Variants in CPQ observed in about 807,000 individuals in gnomAD.
CPQ encodes carboxypeptidase Q.
In CPQ, 37 loss-of-function variants were observed where a neutral mutation model predicts 45.7. The ratio of observed to expected loss-of-function variants is 0.81; its 90% CI spans 0.62 to 1.07. CPQ has a LOEUF of 1.07. Among genes scored for constraint, CPQ ranks in the 50% least tolerant of loss-of-function variants. The pLI, the probability that CPQ is intolerant of heterozygous loss-of-function variation, is 0.00. For synonymous variants in CPQ, 186 were observed against 205.8 expected (o/e 0.90, Z 0.82); for missense variants, 537 against 572.9 (o/e 0.94, Z 0.64).
chr8:96,738,247 A>G (rs1810019238), intron 1 of CPQ, among the ~76,000 whole-genome samples: 1 of 152,052 alleles, frequency 6.6e-6, no homozygotes, highest in Non-Finnish European at 1.5e-5. Context: ...TGCTGTTCAA[A>G]TTTTTATATC....
At chr8:96,800,385 G>A (rs1810990549) in intron 2 of CPQ, among the ~76,000 whole-genome samples, 1 of 152,152 alleles carries the variant, frequency 6.6e-6, no homozygotes, top group African/African-American at 2.4e-5. Flanking sequence ...ACTGATTGGT[G>A]GGTGTGAAGC....
intron 7 of CPQ, among the ~76,000 whole-genome samples, chr8:97,099,114 TC>T (rs1811257094): frequency 1.8e-5 from 2 of 110,944 alleles, no homozygotes; most frequent in Non-Finnish European, 3.6e-5. Context: ...CCCTTCTCTC[TC>T]TTTTTTTTTT....
At chr8:97,042,150 C>T (rs1343142536) in intron 6 of CPQ, among the ~76,000 whole-genome samples, 1 of 152,234 alleles carries the variant, frequency 6.6e-6, no homozygotes, top group Admixed American at 6.5e-5. Flanking sequence ...TTGATTACTG[C>T]CACAATTTCA....
At chr8:96,852,694 T>G (rs1811787416) in intron 3 of CPQ, among the ~76,000 whole-genome samples, 1 of 152,154 alleles carries the variant, frequency 6.6e-6, no homozygotes, top group East Asian at 1.9e-4. Flanking sequence ...TGGGGGAAAC[T>G]AAATTTGTTC....
At chr8:96,846,352 G>T (rs1811689684) in intron 3 of CPQ, among the ~76,000 whole-genome samples, 1 of 152,080 alleles carries the variant, frequency 6.6e-6, no homozygotes, top group Non-Finnish European at 1.5e-5. Context: ...TGAGTGGTAG[G>T]AGTTCTTTAT....
intron 6 of CPQ, among the ~76,000 whole-genome samples, chr8:97,039,646 A>T (rs1226729470): frequency 1.5e-5 from 2 of 132,014 alleles, no homozygotes; most frequent in Non-Finnish European, 3.2e-5. Flanking sequence ...CCCCCACCCC[A>T]CAACAGTCCC....
At chr8:96,985,849 A>G (rs1357427267) in intron 5 of CPQ, among the ~76,000 whole-genome samples, 1 of 152,254 alleles carries the variant, frequency 6.6e-6, no homozygotes, top group East Asian at 1.9e-4. Flanking sequence ...TTACTGTATC[A>G]AATTGGTATT....
intron 5 of CPQ, among the ~76,000 whole-genome samples, chr8:97,018,783 A>G (rs541733574): frequency 1.3e-5 from 2 of 152,316 alleles, no homozygotes; most frequent in South Asian, 4.1e-4. Flanking sequence ...GGAAGAAGAG[A>G]AATCTAAAAG....
chr8:96,976,247 C>CAAAAAAAAAAAAAAAA (rs55864086), intron 5 of CPQ, among the ~76,000 whole-genome samples: 3 of 60,832 alleles, frequency 4.9e-5, no homozygotes, highest in African/African-American at 1.2e-4. Flanking sequence ...CAATAGCTGA[C>CAAAAAAAAAAAAAAAA]AAAAAAAAAA....
rs183637421 is a variant in CPQ at position 96,916,478 on chromosome 8, A to C, written c.849+36473A>C. On this transcript the variant is annotated intron_variant, in intron 4 of 7. Coordinates refer to ENST00000220763, the MANE Select transcript of CPQ (RefSeq NM_016134.4). ...TGGAAATTCATGACCATTATCTTTA[A>C]AAATGATTTTTTAAAAATTTTAGAA... Among the ~76,000 whole-genome samples, 1,172 of 152,282 alleles carry C rather than the reference A, an allele frequency of 7.7e-3. 14 individuals carry two copies. The highest frequency in any genetic ancestry group is 0.026 in the African/African-American group (1,062 of 41,564).
At chr8:96,693,829 T>C (rs995912821) in intron 1 of CPQ, among the ~76,000 whole-genome samples, 2 of 152,302 alleles carry the variant, frequency 1.3e-5, no homozygotes, top group Non-Finnish European at 1.5e-5. Context: ...ATTATAACAC[T>C]GTAATTGTGG....
At chr8:96,722,153 C>T (rs1809771629) in intron 1 of CPQ, among the ~76,000 whole-genome samples, 3 of 152,192 alleles carry the variant, frequency 2.0e-5, no homozygotes, top group South Asian at 4.1e-4. Context: ...ATGCATGGTT[C>T]ACAAGTAGGT....
chr8:96,665,947 T>C (rs1174126550), intron 1 of CPQ, among the ~76,000 whole-genome samples: 1 of 152,164 alleles, frequency 6.6e-6, no homozygotes, highest in African/African-American at 2.4e-5. Flanking sequence ...GAAAATATAA[T>C]TTGTTACTCA....
chr8:96,980,780 T>C (rs889971497), intron 5 of CPQ, among the ~76,000 whole-genome samples: 5 of 152,130 alleles, frequency 3.3e-5, no homozygotes, highest in African/African-American at 1.2e-4. Flanking sequence ...TTCACCCCAG[T>C]GTAGCCACCA....
intron 5 of CPQ, among the ~76,000 whole-genome samples, chr8:97,018,495 C>G (rs981524527): frequency 6.6e-6 from 1 of 151,994 alleles, no homozygotes; most frequent in African/African-American, 2.4e-5. Flanking sequence ...AAAAATGATA[C>G]AAGAAGTGAA....
chr8:96,896,647 C>T (rs1262529275), intron 4 of CPQ, among the ~76,000 whole-genome samples: 1 of 152,194 alleles, frequency 6.6e-6, no homozygotes, highest in Non-Finnish European at 1.5e-5. Context: ...AGAAGCCTCT[C>T]TTAATTACAC....
Position 96,843,923 on chromosome 8 carries a change from A to G in CPQ, c.641+8743A>G, listed in dbSNP as rs76030517. Among the ~76,000 whole-genome samples, 111 of 152,312 alleles carry G rather than the reference A, an allele frequency of 7.3e-4. 1 individual carries two copies. In the East Asian group the frequency reaches 0.016, roughly 22 times the overall value. Reference sequence around the variant, plus strand: ...CTGCTATAATTAATGGTCTGTTTGCATTTCTAGTACAGGCTGTCATTTTTC... The same window carrying G: ...CTGCTATAATTAATGGTCTGTTTGCGTTTCTAGTACAGGCTGTCATTTTTC... On this transcript the variant is annotated intron_variant, in intron 3 of 7. Transcript: ENST00000220763.
chr8:96,666,697 T>C (rs1808929648), intron 1 of CPQ, among the ~76,000 whole-genome samples: 1 of 152,248 alleles, frequency 6.6e-6, no homozygotes. Context: ...TCTTGGCCTC[T>C]AGACTTCGAA....
intron 4 of CPQ, among the ~76,000 whole-genome samples, chr8:96,885,070 G>A (rs2130885049): frequency 6.6e-6 from 1 of 152,250 alleles, no homozygotes; most frequent in Admixed American, 6.5e-5. Context: ...ATCATAGAAT[G>A]GGTAATTTAT....
Sources: gnomAD v4.1 joint callset for allele counts (sites outside exome capture counted in the v4.1 genomes callset) on GRCh38, gnomAD v4.1.1 for gene constraint, MANE v1.5 for transcripts, NCBI Gene and HGNC (gene_info 2026-07-23, HGNC 2026-07-21) for gene names.